LRRC4C: variants seen among roughly 807,000 people sequenced by gnomAD.
LRRC4C encodes leucine-rich repeat-containing protein 4C.
Under a neutral mutation model 33.6 loss-of-function variants are expected in LRRC4C, and 5 were observed. The ratio of observed to expected loss-of-function variants is 0.15; its 90% CI spans 0.08 to 0.31. The LOEUF is 0.31. LRRC4C is among the 10% of genes least tolerant of loss of function. The pLI is 1.00. For synonymous variants in LRRC4C, 329 were observed against 302.0 expected (o/e 1.09, Z -0.93); for missense variants, 560 against 796.7 (o/e 0.70, Z 3.58).
chr11:40,744,372 A>G (rs1340638747), intron 2 of LRRC4C, among the ~76,000 whole-genome samples: 1 of 152,190 alleles, frequency 6.6e-6, no homozygotes, highest in East Asian at 1.9e-4. Context: ...ATTCTTGGAG[A>G]TATTTAAGGC....
At chr11:40,966,403 T>C (rs955495509) in intron 1 of LRRC4C, among the ~76,000 whole-genome samples, 3 of 151,940 alleles carry the variant, frequency 2.0e-5, no homozygotes, top group African/African-American at 7.2e-5. Flanking sequence ...ATGGAGTTTT[T>C]ACATATGGGG....
chr11:40,183,397 T>C (rs1861167789), intron 5 of LRRC4C, among the ~76,000 whole-genome samples: 2 of 152,202 alleles, frequency 1.3e-5, no homozygotes, highest in Non-Finnish European at 2.9e-5. Context: ...TTGTTTTCTT[T>C]TTTCACATCT....
chr11:40,421,638 C>T (rs974582964), intron 3 of LRRC4C, among the ~76,000 whole-genome samples: 1 of 152,158 alleles, frequency 6.6e-6, no homozygotes, highest in Non-Finnish European at 1.5e-5. Context: ...CCCCACTCAT[C>T]GACCCACAAC....
intron 4 of LRRC4C, among the ~76,000 whole-genome samples, chr11:40,314,669 T>A (rs1945487073): frequency 6.6e-6 from 1 of 152,124 alleles, no homozygotes; most frequent in South Asian, 2.1e-4. Flanking sequence ...AACAGATGAA[T>A]GGATAATGAA....
At chr11:41,384,831 A>G (rs1348207259) in intron 1 of LRRC4C, among the ~76,000 whole-genome samples, 2 of 149,450 alleles carry the variant, frequency 1.3e-5, no homozygotes, top group Non-Finnish European at 3.0e-5. Context: ...AGTATACTAT[A>G]CAAATGATTT....
chr11:41,091,900 A>T (rs1940446470), intron 1 of LRRC4C, among the ~76,000 whole-genome samples: 1 of 152,120 alleles, frequency 6.6e-6, no homozygotes, highest in Non-Finnish European at 1.5e-5. Flanking sequence ...CACAATTGGA[A>T]AATAGAATTT....
intron 1 of LRRC4C, among the ~76,000 whole-genome samples, chr11:41,183,969 T>C (rs538224729): frequency 4.6e-5 from 7 of 152,292 alleles, no homozygotes; most frequent in Non-Finnish European, 1.0e-4. Flanking sequence ...CTTCTACCCT[T>C]TGAAGCAACA....
At chr11:40,549,612 T>C (rs1430930709) in intron 3 of LRRC4C, among the ~76,000 whole-genome samples, 1 of 152,148 alleles carries the variant, frequency 6.6e-6, no homozygotes, top group Non-Finnish European at 1.5e-5. Context: ...ATAAGAAAGC[T>C]GTATGCTCAA....
At chr11:41,155,777 C>T (rs1590778455) in intron 1 of LRRC4C, among the ~76,000 whole-genome samples, 2 of 152,116 alleles carry the variant, frequency 1.3e-5, no homozygotes, top group African/African-American at 2.4e-5. Context: ...AATAATTAAT[C>T]TCTCTCTCTT....
At position 40,579,708 on chromosome 11, in the gene LRRC4C, A is replaced by G. The variant is rs542991251; in HGVS notation, c.-270+68434T>C. On this transcript the variant is annotated intron_variant, in intron 3 of 6. Transcript: ENST00000528697. ...AGCTGGCTCTCCAAGCCAAAAAGGA[A>G]TCACCCTCCAAAGGAAAGAGTCCTC... is the stretch of plus-strand genomic sequence containing the variant. Among the ~76,000 whole-genome samples, 14 of 152,208 alleles carry G rather than the reference A, an allele frequency of 9.2e-5. No homozygotes were observed. In the East Asian group the frequency reaches 2.7e-3, roughly 29 times the overall value.
At chr11:41,041,685 ACACT>A (rs1305739786) in intron 1 of LRRC4C, among the ~76,000 whole-genome samples, 1 of 152,164 alleles carries the variant, frequency 6.6e-6, no homozygotes, top group Non-Finnish European at 1.5e-5. Flanking sequence ...ATAAACATAC[ACACT>A]CACATATACT....
At chr11:41,436,083 A>G (rs1189402016) in intron 1 of LRRC4C, among the ~76,000 whole-genome samples, 2 of 152,168 alleles carry the variant, frequency 1.3e-5, no homozygotes. Flanking sequence ...GGACGCCTGT[A>G]ATCCCAGCTA....
chr11:40,179,752 T>A (rs571695264), intron 5 of LRRC4C, among the ~76,000 whole-genome samples: 2 of 152,124 alleles, frequency 1.3e-5, no homozygotes, highest in Non-Finnish European at 2.9e-5. Flanking sequence ...CCAGACATCA[T>A]TGGGTAAAAC....
intron 2 of LRRC4C, among the ~76,000 whole-genome samples, chr11:40,683,358 A>G (rs1591456163): frequency 1.3e-5 from 2 of 152,318 alleles, no homozygotes; most frequent in African/African-American, 4.8e-5. Flanking sequence ...CGTATGTTCA[A>G]GTATTGAAAT....
chr11:40,624,191 G>A (rs1395065067), intron 3 of LRRC4C, among the ~76,000 whole-genome samples: 1 of 151,986 alleles, frequency 6.6e-6, no homozygotes, highest in Non-Finnish European at 1.5e-5. Flanking sequence ...CTATGATCAT[G>A]GACATTTCAA....
intron 2 of LRRC4C, among the ~76,000 whole-genome samples, chr11:40,692,952 C>A (rs1477227723): frequency 6.6e-6 from 1 of 151,930 alleles, no homozygotes; most frequent in African/African-American, 2.4e-5. Context: ...GAGCAAATGC[C>A]CTATACATAG....
At chr11:40,296,103 T>C (rs1944498144) in intron 4 of LRRC4C, among the ~76,000 whole-genome samples, 1 of 152,162 alleles carries the variant, frequency 6.6e-6, no homozygotes, top group Admixed American at 6.5e-5. Context: ...ACATCTTTAA[T>C]ACTATCAGAA....
chr11:40,444,735 A>G (rs1318287752), intron 3 of LRRC4C, among the ~76,000 whole-genome samples: 1 of 152,202 alleles, frequency 6.6e-6, no homozygotes, highest in Non-Finnish European at 1.5e-5. Flanking sequence ...TGTTAAAAGC[A>G]ACAACACAAG....
At chr11:41,185,654 T>G (rs1225920574) in intron 1 of LRRC4C, among the ~76,000 whole-genome samples, 2 of 152,208 alleles carry the variant, frequency 1.3e-5, no homozygotes, top group African/African-American at 4.8e-5. Flanking sequence ...CAGGGCTGTC[T>G]GTCATTGAGA....
Sources: allele counts gnomAD v4.1 joint callset (sites outside exome capture counted in the v4.1 genomes callset), GRCh38; gene constraint gnomAD v4.1.1; transcripts MANE v1.5; gene names NCBI Gene and HGNC (gene_info 2026-07-23, HGNC 2026-07-21).